SLU7: variants seen among roughly 807,000 people sequenced by gnomAD.
SLU7 encodes spliceosome associated SLU7.
A neutral mutation model predicts 87.0 loss-of-function variants in SLU7; 60 were observed. The observed-to-expected ratio is 0.69, with a 90% CI of 0.56 to 0.86. The LOEUF (loss-of-function observed/expected upper bound fraction) is 0.86, where lower values mean the gene tolerates loss of function less well. Ranked by LOEUF, SLU7 falls within the 40% of genes least tolerant of loss-of-function variation. The pLI, the probability that SLU7 is intolerant of heterozygous loss-of-function variation, is 0.00. For synonymous variants in SLU7, 197 were observed against 222.0 expected (o/e 0.89, Z 1.00); for missense variants, 507 against 686.6 (o/e 0.74, Z 2.92).
intron 12 of SLU7, 118 bp downstream of exon 12, chr5:160,406,348 ATT>A (rs36082303): frequency 1.1e-3 from 666 of 614,078 alleles, no homozygotes; most frequent in Non-Finnish European, 1.2e-3. Flanking sequence ...AACAGTTAAA[ATT>A]TTTTTTTTTT....
intron 1 of SLU7, among the ~76,000 whole-genome samples, chr5:160,416,170 A>C (rs1273541477): frequency 6.6e-6 from 1 of 152,180 alleles, no homozygotes; most frequent in East Asian, 1.9e-4. Flanking sequence ...CTGGGATTAC[A>C]GGCGTGAGCC....
intron 5 of SLU7, among the ~76,000 whole-genome samples, chr5:160,413,014 A>G (rs1765304539): frequency 6.6e-6 from 1 of 152,190 alleles, no homozygotes; most frequent in South Asian, 2.1e-4. Context: ...AACAGTAAAA[A>G]CTGAAGTTGG....
rs1362702221 is a variant in SLU7 at position 160,414,307 on chromosome 5, T to C, written c.324+12A>G. ...CCATATCCATGAAGATGTATACAGG[T>C]TGCCTACATACCTCTTTTACACCCC... On this transcript the variant is annotated intron_variant, in intron 3 of 15. Coordinates refer to ENST00000297151, the MANE Select transcript of SLU7 (RefSeq NM_006425.5). 2 of 1,583,178 alleles carry C rather than the reference T, an allele frequency of 1.3e-6. No homozygotes were observed. The highest frequency in any genetic ancestry group is 4.5e-5 in the East Asian group (2 of 44,194).
chr5:160,414,099 G>A (rs1765355669), intron 3 of SLU7, 120 bp from the exon 4 acceptor site: 1 of 704,922 alleles, frequency 1.4e-6, no homozygotes, highest in East Asian at 3.0e-5. Context: ...AAATAAGTTA[G>A]AGTCTCCACA....
intron 3 of SLU7, 161 bp downstream of exon 3, chr5:160,414,158 T>C (rs1765358569): frequency 1.4e-6 from 1 of 718,174 alleles, no homozygotes; most frequent in Admixed American, 2.9e-5. Flanking sequence ...AAAATTTATA[T>C]AAGAAACACA....
rs908825896 is a variant in SLU7, at chr5:160,403,218, A to G, written c.*67T>C. ...ATAAACAAGGATTTTTCTATCTACA[A>G]TCATCAATAAGAAGCTGAAAAGAAT... On this transcript the variant is annotated 3_prime_UTR_variant, in exon 16 of 16. Coordinates refer to ENST00000297151, the MANE Select transcript of SLU7 (RefSeq NM_006425.5). The G allele has an allele frequency of 1.8e-5, 23 of 1,244,890 alleles. No individual in the cohort carries two copies. In the South Asian group the frequency reaches 2.2e-4, roughly 12 times the overall value. 77.1% of individuals were successfully genotyped at this position (1,244,890 alleles called of 1,614,324 possible). A position where few individuals can be genotyped will look rare whatever the true frequency, so the allele number is the denominator to read the frequency against.
Position 160,406,639 on chromosome 5 carries a change from C to A in SLU7, c.1126-10G>T. 6.3e-7 allele frequency: 1 copy of A among 1,586,752 alleles called. No individual in the cohort carries two copies. On this transcript the variant is annotated splice_polypyrimidine_tract_variant and intron_variant, in intron 11 of 15. Transcript: ENST00000297151. ...GTTCTTGGCCACCATACTAAAAGGA[C>A]ATTGGACATTATTCAATACATTTTA... is the stretch of plus-strand genomic sequence containing the variant.
rs769452171 is a variant in SLU7 at position 160,403,252 on chromosome 5, T to C, written c.*33A>G. On this transcript the variant is annotated 3_prime_UTR_variant, in exon 16 of 16. Transcript: ENST00000297151. ...AAGAAGCTGAAAAGAATGTATCAGC[T>C]GCATCTATCTTGGATGGTCTTCTGA... 4.1e-6 allele frequency: 6 copies of C among 1,467,586 alleles called. No individual in the cohort carries two copies. Among genetic ancestry groups the C allele is most frequent in the Non-Finnish European group, 5.5e-6 (6 of 1,088,302 alleles). 90.9% of individuals were successfully genotyped at this position (1,467,586 alleles called of 1,614,324 possible).
At chr5:160,411,656 C>T (rs2910188) in intron 6 of SLU7, among the ~76,000 whole-genome samples, 50,714 of 152,004 alleles carry the variant, frequency 0.33, 8,769 homozygotes, top group South Asian at 0.4. Flanking sequence ...GGTTTAGAGT[C>T]CCTTTTAGAA....
At chr5:160,406,420 C>A (rs1332698330) in intron 12 of SLU7, 48 bp downstream of exon 12, 4 of 1,461,334 alleles carry the variant, frequency 2.7e-6, no homozygotes, top group Middle Eastern at 1.8e-4. Flanking sequence ...AAATGCAATA[C>A]AGAGCAAAAC....
At chr5:160,408,574 T>C in intron 7 of SLU7, 76 bp downstream of exon 7, 1 of 1,393,944 alleles carries the variant, frequency 7.2e-7, no homozygotes, top group Non-Finnish European at 1.0e-6. Flanking sequence ...TAAAAGCTAT[T>C]ATTAGTGTTA....
rs764144801 is a variant in SLU7, at chr5:160,407,725, T to G, written c.985+21A>C. On this transcript the variant is annotated intron_variant, in intron 10 of 15. Coordinates refer to ENST00000297151, the MANE Select transcript of SLU7 (RefSeq NM_006425.5). The surrounding 1 kb of genome is among the most constrained non-coding windows in gnomAD (Gnocchi z 4.2). ...TCTTATGAGCTGATATAAAATGGCT[T>G]GACATAGAGGAAACACTTACACTGT... The G allele has an allele frequency of 3.1e-6, 5 of 1,608,432 alleles. No homozygotes were observed. Among genetic ancestry groups the G allele is most frequent in the Non-Finnish European group, 4.2e-6 (5 of 1,177,174 alleles).
chr5:160,417,547 G>A (rs559725852), intron 1 of SLU7, among the ~76,000 whole-genome samples: 1 of 152,284 alleles, frequency 6.6e-6, no homozygotes, highest in African/African-American at 2.4e-5. Flanking sequence ...CAGCACTTTG[G>A]GAGGCCGAGG....
At chr5:160,404,908 G>A (rs755994274) in intron 13 of SLU7, 28 bp from the exon 14 acceptor site, 2 of 1,538,422 alleles carry the variant, frequency 1.3e-6, no homozygotes, top group African/African-American at 1.4e-5. Context: ...AATTTGAGTT[G>A]AGTGTCATAG....
intron 12 of SLU7, among the ~76,000 whole-genome samples, chr5:160,405,898 T>G (rs1315921543): frequency 6.6e-6 from 1 of 152,122 alleles, no homozygotes; most frequent in Non-Finnish European, 1.5e-5. Flanking sequence ...AATAACCGCA[T>G]AACGATCAAA....
chr5:160,417,306 G>A (rs1765496596), intron 1 of SLU7: 1 of 149,594 alleles, frequency 6.7e-6, no homozygotes, highest in African/African-American at 2.4e-5. Flanking sequence ...CATTAAAAAA[G>A]TAAAAATAAA....
chr5:160,418,217 G>A (rs897060829), intron 1 of SLU7, among the ~76,000 whole-genome samples: 1 of 152,094 alleles, frequency 6.6e-6, no homozygotes, highest in Non-Finnish European at 1.5e-5. Context: ...ACCATTTCTC[G>A]AGCCTACCGT....
intron 6 of SLU7, among the ~76,000 whole-genome samples, chr5:160,411,326 G>A (rs1401739271): frequency 6.6e-6 from 1 of 151,852 alleles, no homozygotes; most frequent in East Asian, 1.9e-4. Flanking sequence ...CTGCCTCCTG[G>A]GTTCAAGCGA....
chr5:160,402,197 A>G lies in SLU7; in HGVS notation c.*1088T>C, dbSNP rs1246942011. ...AATATTAGGATATTCTACAATTTAA[A>G]AAATCTAATATTCATGATTGTTACA... On this transcript the variant is annotated 3_prime_UTR_variant, in exon 16 of 16. Coordinates refer to ENST00000297151, the MANE Select transcript of SLU7 (RefSeq NM_006425.5). 2 of 152,246 alleles carry G rather than the reference A, an allele frequency of 1.3e-5. No individual in the cohort carries two copies. The highest frequency in any genetic ancestry group is 6.5e-5 in the Admixed American group (1 of 15,286). 9.4% of individuals were successfully genotyped at this position (152,246 alleles called of 1,614,324 possible). A position where few individuals can be genotyped will look rare whatever the true frequency, so the allele number is the denominator to read the frequency against.
Sources: allele counts gnomAD v4.1 joint callset (sites outside exome capture counted in the v4.1 genomes callset), GRCh38; gene constraint gnomAD v4.1.1; non-coding constraint Gnocchi (gnomAD v3.1); transcripts MANE v1.5; gene names NCBI Gene and HGNC (gene_info 2026-07-23, HGNC 2026-07-21).